ARNT2: variants seen among roughly 807,000 people sequenced by gnomAD.
The protein encoded by ARNT2 is aryl hydrocarbon receptor nuclear translocator 2, also known as ARNT protein 2.
Under a neutral mutation model 91.7 loss-of-function variants are expected in ARNT2, and 36 were observed. That is an observed-to-expected ratio of 0.39 (90% CI 0.30 to 0.52). The LOEUF (loss-of-function observed/expected upper bound fraction) is 0.52. ARNT2 is among the 20% of genes least tolerant of loss of function. ARNT2 has a pLI of 0.72. For synonymous variants in ARNT2, 365 were observed against 347.1 expected, an observed-to-expected ratio of 1.05 and a Z score of -0.57; for missense variants, 775 against 939.3, an observed-to-expected ratio of 0.83 and a Z score of 2.29.
chr15:80,522,820 G>GTATATATA (rs57416544), intron 8 of ARNT2, among the ~76,000 whole-genome samples: 4 of 135,704 alleles, frequency 2.9e-5, no homozygotes, highest in Non-Finnish European at 6.3e-5. Context: ...GTGTGTGTGT[G>GTATATATA]TATATATATA....
intron 15 of ARNT2, 40 bp downstream of exon 15, chr15:80,577,005 T>C (rs1232261627): frequency 3.8e-6 from 6 of 1,593,238 alleles, no homozygotes; most frequent in South Asian, 1.1e-5. Flanking sequence ...GGGAAGATGC[T>C]CCCTCACCAA....
chr15:80,563,035 C>T (rs1370387404), intron 11 of ARNT2, 53 bp from the exon 12 acceptor site: 8 of 1,605,412 alleles, frequency 5.0e-6, no homozygotes, highest in Middle Eastern at 1.7e-4. Flanking sequence ...TCCCTCCTCC[C>T]GTTTGGCACC....
chr15:80,588,236 CAA>C (rs1567009558), intron 17 of ARNT2, among the ~76,000 whole-genome samples: 1 of 152,164 alleles, frequency 6.6e-6, no homozygotes, highest in Non-Finnish European at 1.5e-5. Flanking sequence ...AGTCAGTAAT[CAA>C]TCAACAAGCC....
In ARNT2 at chr15:80,593,853, T is replaced by G; in HGVS notation, c.*155T>G. ...TGTGTGTCCCCAGGCGCATCATTGC[T>G]CCACTCTCCCCTGCAGCCGCGGCTG... On this transcript the variant is annotated 3_prime_UTR_variant, in exon 19 of 19. Coordinates refer to ENST00000303329, the MANE Select transcript of ARNT2 (RefSeq NM_014862.4). 1.5e-6 allele frequency: 1 copy of G among 651,244 alleles called. No homozygotes were observed. The highest frequency in any genetic ancestry group is 2.6e-6 in the Non-Finnish European group (1 of 377,572). 40.3% of individuals were successfully genotyped at this position (651,244 alleles called of 1,614,324 possible). A position where few individuals can be genotyped will look rare whatever the true frequency, so the allele number is the denominator to read the frequency against.
At chr15:80,441,702 T>A (rs957137421) in intron 1 of ARNT2, among the ~76,000 whole-genome samples, 6 of 152,230 alleles carry the variant, frequency 3.9e-5, no homozygotes, top group African/African-American at 1.4e-4. Flanking sequence ...TGCTCTCAAG[T>A]TCCACGTTTT....
intron 3 of ARNT2, among the ~76,000 whole-genome samples, chr15:80,464,262 A>T (rs1896613820): frequency 6.9e-6 from 1 of 145,360 alleles, no homozygotes; most frequent in African/African-American, 2.5e-5. Context: ...AGTCAGTGTG[A>T]CCCTTGGAGC....
chr15:80,580,413 C>T lies in ARNT2; in HGVS notation c.1616C>T (p.Ser539Phe). ...PSGHSGKAFSSSVVHVPGVND... is the reference protein window; with the variant it reads ...PSGHSGKAFSFSVVHVPGVND... Reference sequence around the variant, plus strand: ...AAATGCATTTTCCTCTTTTCTAGCTCTTCAGTGGTTCATGTGCCTGGAGTG... The same window carrying T: ...AAATGCATTTTCCTCTTTTCTAGCTTTTCAGTGGTTCATGTGCCTGGAGTG... The change falls in exon 16 of 19, where the codon TCT (serine) becomes TTT (phenylalanine). Residue 539 changes from serine to phenylalanine, a missense_variant and splice_region_variant. By Grantham distance (155) the Ser-to-Phe change is radical. Transcript: ENST00000303329. The T allele has an allele frequency of 1.2e-6, 2 of 1,614,130 alleles. No individual in the cohort carries two copies. The highest frequency in any genetic ancestry group is 1.7e-6 in the Non-Finnish European group (2 of 1,180,040).
intron 1 of ARNT2, among the ~76,000 whole-genome samples, chr15:80,430,599 T>C (rs1895994320): frequency 1.3e-5 from 2 of 152,234 alleles, no homozygotes; most frequent in Non-Finnish European, 2.9e-5. Context: ...TCAGTCCCTC[T>C]GTGCTGGCTT....
rs1241951402 is a variant in ARNT2 at position 80,594,048 on chromosome 15, C to A, written c.*350C>A. On this transcript the variant is annotated 3_prime_UTR_variant, in exon 19 of 19. Coordinates refer to ENST00000303329, the MANE Select transcript of ARNT2 (RefSeq NM_014862.4). Reference sequence around the variant, plus strand: ...AAAGTTCAGCCAATGCCCAGAGTGACCAAGCAGCACCAGCAGGCCTGCCCA... The same window carrying A: ...AAAGTTCAGCCAATGCCCAGAGTGAACAAGCAGCACCAGCAGGCCTGCCCA... 3 of 204,412 alleles carry A rather than the reference C, an allele frequency of 1.5e-5. No individual in the cohort carries two copies. Among genetic ancestry groups the A allele is most frequent in the Non-Finnish European group, 2.9e-5 (3 of 102,130 alleles). The allele number at this position is 204,412 out of a possible 1,614,324, so 12.7% of individuals were successfully genotyped here.
intron 4 of ARNT2, among the ~76,000 whole-genome samples, chr15:80,473,447 C>T (rs74027980): frequency 0.051 from 7,823 of 152,260 alleles, 450 homozygotes; most frequent in East Asian, 0.13. Context: ...TCCACTTCCT[C>T]TCCTCCAGTG....
chr15:80,426,741 G>T (rs895002740), intron 1 of ARNT2, among the ~76,000 whole-genome samples: 1 of 152,202 alleles, frequency 6.6e-6, no homozygotes, highest in Non-Finnish European at 1.5e-5. Context: ...GTGTTCGTCA[G>T]CTCAGGCTCC....
chr15:80,435,889 A>G (rs78108714), intron 1 of ARNT2, among the ~76,000 whole-genome samples: 1 of 149,650 alleles, frequency 6.7e-6, no homozygotes. Flanking sequence ...GGCAAAAAAA[A>G]GGAAAAAAAT....
At chr15:80,513,872 T>C (rs1181819722) in intron 6 of ARNT2, 39 bp from the exon 7 acceptor site, 2 of 1,550,234 alleles carry the variant, frequency 1.3e-6, no homozygotes, top group South Asian at 1.1e-5. Context: ...TAAACTTGCC[T>C]GGGTCTTTGC....
chr15:80,467,702 G>A (rs4778598), intron 3 of ARNT2, among the ~76,000 whole-genome samples: 120,533 of 152,148 alleles, frequency 0.79, 47,975 homozygotes, highest in East Asian at 0.95. Flanking sequence ...TCTGTGTTCC[G>A]TCCACCCCAT....
In ARNT2 at chr15:80,594,326, G is replaced by A. The variant is rs1893336190; in HGVS notation, c.*628G>A. The A allele has an allele frequency of 1.3e-5, 2 of 152,700 alleles. No individual in the cohort carries two copies. Among genetic ancestry groups the A allele is most frequent in the Non-Finnish European group, 2.9e-5 (2 of 68,424 alleles). The allele number at this position is 152,700 out of a possible 1,614,324, so 9.5% of individuals were successfully genotyped here. On this transcript the variant is annotated 3_prime_UTR_variant, in exon 19 of 19. Transcript: ENST00000303329. The stretch of plus-strand genomic sequence containing the variant: ...TCCTAATGGATGTGTTGTGCCTTGT[G>A]TCTGTCATGTGTGGCCAGCGTGATT...
At chr15:80,424,299 T>C (rs2141563872) in intron 1 of ARNT2, among the ~76,000 whole-genome samples, 1 of 152,372 alleles carries the variant, frequency 6.6e-6, no homozygotes, top group East Asian at 1.9e-4. Context: ...GGACAGGCAG[T>C]ACAATAGATG....
intron 15 of ARNT2, among the ~76,000 whole-genome samples, chr15:80,579,187 G>A (rs1242482662): frequency 1.3e-5 from 2 of 152,206 alleles, no homozygotes; most frequent in Non-Finnish European, 2.9e-5. Context: ...AGTGTTTTGG[G>A]GAGGACACCA....
intron 12 of ARNT2, among the ~76,000 whole-genome samples, chr15:80,567,173 T>C (rs1447775456): frequency 6.6e-6 from 1 of 152,142 alleles, no homozygotes; most frequent in Non-Finnish European, 1.5e-5. Flanking sequence ...GTGCTGAGCA[T>C]GGGCCTTTCA....
Position 80,522,760 on chromosome 15 carries a change from C to CATATATATAT in ARNT2, c.877+8366_877+8375dup, listed in dbSNP as rs60138286. The stretch of plus-strand genomic sequence containing the variant: ...TAATGACTGTGTGACTGTACATACA[C>CATATATATAT]ATATATATATATATATATATCTGTT... On this transcript the variant is annotated intron_variant, in intron 8 of 18. Coordinates refer to ENST00000303329, the MANE Select transcript of ARNT2 (RefSeq NM_014862.4). Among the ~76,000 whole-genome samples the CATATATATAT allele has an allele frequency of 3.0e-3, 427 of 144,520 alleles. 1 individual carries two copies. Among genetic ancestry groups the CATATATATAT allele is most frequent in the African/African-American group, 0.01 (402 of 38,860 alleles). 94.8% of individuals were successfully genotyped at this position (144,520 alleles called of 152,430 possible). A position where few individuals can be genotyped will look rare whatever the true frequency, so the allele number is the denominator to read the frequency against.
Sources: gnomAD v4.1 joint callset for allele counts (sites outside exome capture counted in the v4.1 genomes callset) on GRCh38, gnomAD v4.1.1 for gene constraint, MANE v1.5 for transcripts, NCBI Gene and HGNC (gene_info 2026-07-23, HGNC 2026-07-21) for gene names.